The following RBX1 variants were observed in gnomAD, a reference collection of about 807,000 sequenced individuals.
RBX1 encodes ring-box 1.
For missense variants in RBX1, 46 were observed against 141.4 expected (o/e 0.33, Z 3.42); for synonymous variants, 48 against 47.9 (o/e 1.00, Z -0.01).
intron 2 of RBX1, among the ~76,000 whole-genome samples, chr22:40,955,789 C>T (rs6002208): frequency 0.035 from 5,271 of 152,240 alleles, 122 homozygotes; most frequent in Non-Finnish European, 0.054. Context: ...TCATGTATTG[C>T]CCTTGGCTTC....
intron 2 of RBX1, among the ~76,000 whole-genome samples, chr22:40,962,995 C>G (rs1401302046): frequency 6.6e-6 from 1 of 151,654 alleles, no homozygotes; most frequent in African/African-American, 2.4e-5. Flanking sequence ...CGCGCCTGGC[C>G]TACTCCTGGC....
chr22:40,969,935 C>T (rs1191396432), intron 4 of RBX1, among the ~76,000 whole-genome samples: 1 of 150,964 alleles, frequency 6.6e-6, no homozygotes, highest in Non-Finnish European at 1.5e-5. Context: ...GTGCCATGCA[C>T]TTGTAGTCCC....
chr22:40,956,704 G>C (rs183954079), intron 2 of RBX1, among the ~76,000 whole-genome samples: 262 of 151,188 alleles, frequency 1.7e-3, no homozygotes, highest in Non-Finnish European at 3.1e-3. Context: ...TTATAGGTGT[G>C]AGCCACCATG....
In RBX1 at chr22:40,972,508, A is replaced by G; in HGVS notation, c.*20A>G. The G allele has an allele frequency of 1.3e-6, 2 of 1,591,528 alleles. No homozygotes were observed. The highest frequency in any genetic ancestry group is 1.7e-6 in the Non-Finnish European group (2 of 1,159,610). ...CACTAGGAAAAGACTTCTTCCATCA[A>G]GCTTAATTGTTTTGTTATTCATTTA... On this transcript the variant is annotated 3_prime_UTR_variant, in exon 5 of 5. Coordinates refer to ENST00000216225, the MANE Select transcript of RBX1 (RefSeq NM_014248.4).
intron 2 of RBX1, among the ~76,000 whole-genome samples, chr22:40,962,007 A>G (rs755355904): frequency 6.6e-6 from 1 of 151,992 alleles, no homozygotes; most frequent in African/African-American, 2.4e-5. Flanking sequence ...CTGGTCTCGA[A>G]CCCTGACATC....
chr22:40,967,113 C>T (rs1319209102), intron 3 of RBX1: 1 of 152,222 alleles, frequency 6.6e-6, no homozygotes. Flanking sequence ...GTTTGTCCCT[C>T]ATAAGAATAC....
At chr22:40,971,732 T>A (rs944897931) in intron 4 of RBX1, among the ~76,000 whole-genome samples, 1 of 152,034 alleles carries the variant, frequency 6.6e-6, no homozygotes, top group African/African-American at 2.4e-5. Flanking sequence ...AATTTTTGTA[T>A]TTTTAGTAGA....
Position 40,972,626 on chromosome 22 carries a change from T to C in RBX1, c.*138T>C, listed in dbSNP as rs1601541301. 4.4e-6 allele frequency: 3 copies of C among 675,782 alleles called. No homozygotes were observed. The highest frequency in any genetic ancestry group is 3.6e-5 in the African/African-American group (2 of 55,634). The allele number at this position is 675,782 out of a possible 1,614,324, so 41.9% of individuals were successfully genotyped here. ...CAGTTTGCTGTTTCTGTAGCCATATTGTATTCTGTGTCAAATAAAGTCCAG... is the reference window on the plus strand; with the variant it reads ...CAGTTTGCTGTTTCTGTAGCCATATCGTATTCTGTGTCAAATAAAGTCCAG... On this transcript the variant is annotated 3_prime_UTR_variant, in exon 5 of 5. Transcript: ENST00000216225.
intron 3 of RBX1, among the ~76,000 whole-genome samples, chr22:40,964,595 T>C (rs1209720391): frequency 6.6e-6 from 1 of 152,254 alleles, no homozygotes; most frequent in Non-Finnish European, 1.5e-5. Flanking sequence ...AGAAATGTTT[T>C]GTGTAGCTTT....
In RBX1 at chr22:40,967,909, G is replaced by A. The variant is rs757172329; in HGVS notation, c.314+25G>A. ...AGTAGGTATCTTTGGTTGTTTTGACGGGGCTTTTTGACTTGCCTCAGGCTG... is the reference window on the plus strand; with the variant it reads ...AGTAGGTATCTTTGGTTGTTTTGACAGGGCTTTTTGACTTGCCTCAGGCTG... On this transcript the variant is annotated intron_variant, in intron 4 of 4. Transcript: ENST00000216225. 7 of 1,535,738 alleles carry A rather than the reference G, an allele frequency of 4.6e-6. No individual in the cohort carries two copies. In the Admixed American group the frequency reaches 5.0e-5, roughly 11 times the overall value.
intron 4 of RBX1, 134 bp from the exon 5 acceptor site, chr22:40,972,342 G>A (rs898559502): frequency 3.1e-6 from 2 of 639,754 alleles, no homozygotes; most frequent in Admixed American, 5.4e-5. Context: ...TAGTGTCAGT[G>A]TCGTCACCTA....
rs371770406 is a variant in RBX1 at position 40,972,684 on chromosome 22, A to G, written c.*196A>G. The G allele has an allele frequency of 1.8e-5, 10 of 546,490 alleles. No individual in the cohort carries two copies. Among genetic ancestry groups the G allele is most frequent in the South Asian group, 8.8e-5 (4 of 45,420 alleles). The allele number at this position is 546,490 out of a possible 1,614,324, so 33.9% of individuals were successfully genotyped here. Reference sequence around the variant, plus strand: ...CTGGAACGGATGCTCTCTCTTGTGTATGTGAACAAAGTGAACATAAATGAA... The same window carrying G: ...CTGGAACGGATGCTCTCTCTTGTGTGTGTGAACAAAGTGAACATAAATGAA... On this transcript the variant is annotated 3_prime_UTR_variant, in exon 5 of 5. Coordinates refer to ENST00000216225, the MANE Select transcript of RBX1 (RefSeq NM_014248.4).
At position 40,951,461 on chromosome 22, in the gene RBX1, C is replaced by G; in HGVS notation, c.63C>G (p.Arg21=). ...CCAACAGCGGCGCGGGCAAGAAGCG[C>G]TTTGAAGTGAAAAAGGTTGGGTCTC... The part of the protein sequence containing the change: ...SGTNSGAGKK[R]FEVKKWNAVA... The change falls in exon 1 of 5, where the codon CGC becomes CGG. Residue 21 remains arginine (R), a synonymous_variant. Transcript: ENST00000216225. The G allele has an allele frequency of 6.2e-7, 1 of 1,613,602 alleles. No homozygotes were observed. The highest frequency in any genetic ancestry group is 8.5e-7 in the Non-Finnish European group (1 of 1,179,810).
At chr22:40,967,991 C>A in intron 4 of RBX1, 107 bp downstream of exon 4, 3 of 636,456 alleles carry the variant, frequency 4.7e-6, no homozygotes, top group Non-Finnish European at 5.6e-6. Flanking sequence ...TTTTTTAAAA[C>A]TAGTTTTTGG....
In RBX1 at chr22:40,972,016, C is replaced by G. The variant is rs183109240; in HGVS notation, c.315-460C>G. Among the ~76,000 whole-genome samples, 343 of 152,300 alleles carry G rather than the reference C, an allele frequency of 2.3e-3. 1 individual carries two copies. Among genetic ancestry groups the G allele is most frequent in the Middle Eastern group, 6.8e-3 (2 of 294 alleles). On this transcript the variant is annotated intron_variant, in intron 4 of 4. Coordinates refer to ENST00000216225, the MANE Select transcript of RBX1 (RefSeq NM_014248.4). ...ACAGATTTTGAAATTGAAGGCTGAT[C>G]AATTGCTATTCTCATTATTAGCTTT... is the stretch of plus-strand genomic sequence containing the variant.
intron 2 of RBX1, 87 bp downstream of exon 2, chr22:40,953,720 G>A (rs2058317549): frequency 3.3e-6 from 3 of 900,810 alleles, no homozygotes; most frequent in Non-Finnish European, 3.7e-6. Flanking sequence ...TTCTTCACAC[G>A]AGGAGATAGC....
At chr22:40,952,239 G>C (rs2058313142) in intron 1 of RBX1, among the ~76,000 whole-genome samples, 1 of 152,148 alleles carries the variant, frequency 6.6e-6, no homozygotes, top group Non-Finnish European at 1.5e-5. Context: ...TGGTAAGCGT[G>C]GGAAAGCAAA....
intron 2 of RBX1, among the ~76,000 whole-genome samples, chr22:40,956,493 G>A (rs1326025565): frequency 1.3e-5 from 2 of 151,120 alleles, no homozygotes; most frequent in Admixed American, 6.6e-5. Flanking sequence ...GGGACTACAG[G>A]TGTGGGCCAC....
At chr22:40,960,150 C>T (rs928328094) in intron 2 of RBX1, among the ~76,000 whole-genome samples, 1 of 152,020 alleles carries the variant, frequency 6.6e-6, no homozygotes, top group Non-Finnish European at 1.5e-5. Flanking sequence ...TCCCGTATTT[C>T]TTCTATTTAT....
Sources: allele counts gnomAD v4.1 joint callset (sites outside exome capture counted in the v4.1 genomes callset), GRCh38; gene constraint gnomAD v4.1.1; transcripts MANE v1.5; gene names NCBI Gene and HGNC (gene_info 2026-07-23, HGNC 2026-07-21).